CRCP: variants seen among roughly 807,000 people sequenced by gnomAD.
CRCP encodes CGRP receptor component, also known as DNA-directed RNA polymerase III subunit RPC9.
CRCP carries 18 observed loss-of-function variants against 18.5 expected under a neutral mutation model. The ratio of observed to expected loss-of-function variants is 0.97; its 90% CI spans 0.67 to 1.44. CRCP has a LOEUF of 1.44. CRCP is among the 40% of genes most tolerant of loss of function. The pLI is 0.00. For missense variants in CRCP, 130 were observed against 176.4 expected (o/e 0.74, Z 1.49); for synonymous variants, 53 against 62.9 (o/e 0.84, Z 0.75).
At chr7:66,131,665 A>G (rs1217517437) in intron 3 of CRCP, among the ~76,000 whole-genome samples, 20 of 152,108 alleles carry the variant, frequency 1.3e-4, no homozygotes, top group African/African-American at 7.2e-5. Context: ...AATTTTATCT[A>G]TATTCTTCCT....
intron 1 of CRCP, among the ~76,000 whole-genome samples, chr7:66,125,666 T>G (rs1787598589): frequency 6.7e-6 from 1 of 149,234 alleles, no homozygotes; most frequent in African/African-American, 2.4e-5. Flanking sequence ...ATTACACTAT[T>G]GACTTGTTTA....
At position 66,154,084 on chromosome 7, in the gene CRCP, C is replaced by G. The variant is rs528746008; in HGVS notation, c.*1727C>G. The G allele has an allele frequency of 6.6e-6, 1 of 151,750 alleles. No individual in the cohort carries two copies. The highest frequency in any genetic ancestry group is 1.9e-4 in the East Asian group (1 of 5,144). The allele number at this position is 151,750 out of a possible 1,614,324, so 9.4% of individuals were successfully genotyped here. A position where few individuals can be genotyped will look rare whatever the true frequency, so the allele number is the denominator to read the frequency against. On this transcript the variant is annotated 3_prime_UTR_variant, in exon 6 of 6. Coordinates refer to ENST00000395326, the MANE Select transcript of CRCP (RefSeq NM_014478.5). ...AAAAAAGAGAAAGTACCAGATTGTA[C>G]TTTTAAATCTGTCTAGCGTATTGAG...
At chr7:66,115,849 C>T (rs1787244593) in intron 1 of CRCP, among the ~76,000 whole-genome samples, 1 of 152,060 alleles carries the variant, frequency 6.6e-6, no homozygotes, top group African/African-American at 2.4e-5. Context: ...TTGCTCTGTC[C>T]CCCAGGCGGG....
At chr7:66,140,146 C>G (rs1788090545) in intron 4 of CRCP, among the ~76,000 whole-genome samples, 1 of 152,240 alleles carries the variant, frequency 6.6e-6, no homozygotes, top group African/African-American at 2.4e-5. Context: ...GGGTCTCCAG[C>G]CTTTCTCAGT....
rs1246764990 is a variant in CRCP at position 66,130,775 on chromosome 7, A to C, written c.77A>C (p.Gln26Pro). ...VFQLLTDLKEQRKESGKNKHS... is the reference protein window; with the variant it reads ...VFQLLTDLKEPRKESGKNKHS... Reference sequence around the variant, plus strand: ...CAGTTACTAACTGATCTGAAAGAGCAGCGTAAAGAAAGTGGAAAGAATAAA... The same window carrying C: ...CAGTTACTAACTGATCTGAAAGAGCCGCGTAAAGAAAGTGGAAAGAATAAA... Residue 26 changes from glutamine (Q) to proline (P), a missense_variant, in exon 3 of 6, where the codon CAG becomes CCG. Physicochemically the swap from Gln to Pro is moderately conservative, Grantham distance 76. Transcript: ENST00000395326. 2.2e-5 allele frequency: 36 copies of C among 1,608,928 alleles called. No homozygotes were observed. Among genetic ancestry groups the C allele is most frequent in the Non-Finnish European group, 3.0e-5 (35 of 1,176,106 alleles).
intron 4 of CRCP, among the ~76,000 whole-genome samples, chr7:66,137,669 T>C (rs994897326): frequency 6.6e-6 from 1 of 152,230 alleles, no homozygotes; most frequent in Non-Finnish European, 1.5e-5. Flanking sequence ...TCTATATCTA[T>C]AAAGCTAAAA....
chr7:66,139,176 G>A (rs1003937136), intron 4 of CRCP, among the ~76,000 whole-genome samples: 1 of 152,108 alleles, frequency 6.6e-6, no homozygotes, highest in Non-Finnish European at 1.5e-5. Context: ...CTGAAGTGCG[G>A]TGGCACCCTC....
At chr7:66,147,633 A>G (rs1788338570) in intron 5 of CRCP, among the ~76,000 whole-genome samples, 1 of 152,218 alleles carries the variant, frequency 6.6e-6, no homozygotes, top group South Asian at 2.1e-4. Flanking sequence ...AGGCCTTGGT[A>G]GAAACTGCTG....
chr7:66,151,679 G>C (rs112589222), intron 5 of CRCP, among the ~76,000 whole-genome samples: 72,745 of 131,466 alleles, frequency 0.55, 18,612 homozygotes, highest in African/African-American at 0.63. Flanking sequence ...CTCTCTGTGT[G>C]TGTGTGTGTG....
chr7:66,135,609 C>G (rs1787948805), intron 4 of CRCP, among the ~76,000 whole-genome samples: 1 of 152,006 alleles, frequency 6.6e-6, no homozygotes, highest in South Asian at 2.1e-4. Context: ...CCATGAGGAA[C>G]AAATCTTAAT....
At chr7:66,133,733 A>G (rs1307203138) in intron 3 of CRCP, among the ~76,000 whole-genome samples, 1 of 151,418 alleles carries the variant, frequency 6.6e-6, no homozygotes, top group Non-Finnish European at 1.5e-5. Context: ...TTTCTCCTAA[A>G]ATTTCATTAG....
At chr7:66,139,888 TC>T (rs1457524453) in intron 4 of CRCP, among the ~76,000 whole-genome samples, 1 of 152,226 alleles carries the variant, frequency 6.6e-6, no homozygotes, top group Non-Finnish European at 1.5e-5. Context: ...CTCTGGAACT[TC>T]CCTGCTCCTA....
At chr7:66,130,951 T>C (rs1787783504) in intron 3 of CRCP, 109 bp downstream of exon 3, 3 of 687,626 alleles carry the variant, frequency 4.4e-6, no homozygotes, top group Non-Finnish European at 7.8e-6. Flanking sequence ...ATGATCTGAA[T>C]GTTTTATTCT....
At chr7:66,140,363 T>G (rs74606281) in intron 4 of CRCP, among the ~76,000 whole-genome samples, 133 of 7,818 alleles carry the variant, frequency 0.017, no homozygotes, top group African/African-American at 0.059. Flanking sequence ...ATTTTTTTTG[T>G]TTTTTTGTCT....
chr7:66,143,167 C>T (rs1368745504), intron 4 of CRCP, among the ~76,000 whole-genome samples: 1 of 152,160 alleles, frequency 6.6e-6, no homozygotes, highest in Admixed American at 6.5e-5. Context: ...CGTGTTTAGA[C>T]GCTTACTGGC....
intron 5 of CRCP, among the ~76,000 whole-genome samples, chr7:66,147,668 T>A (rs1182555132): frequency 6.6e-6 from 1 of 152,202 alleles, no homozygotes; most frequent in Admixed American, 6.5e-5. Context: ...GACCATTTTA[T>A]AGCCAGATTC....
At chr7:66,134,895 T>C (rs1387981160) in intron 4 of CRCP, among the ~76,000 whole-genome samples, 1 of 152,198 alleles carries the variant, frequency 6.6e-6, no homozygotes, top group Non-Finnish European at 1.5e-5. Context: ...AGTTTCATTA[T>C]CCTTACCACT....
At chr7:66,134,459 G>A (rs6958484) in intron 4 of CRCP, 85 bp downstream of exon 4, 546,734 of 969,452 alleles carry the variant, frequency 0.56, 157,233 homozygotes, top group African/African-American at 0.68. Flanking sequence ...ATTGATATTC[G>A]GCTGGGTTTG....
At chr7:66,133,541 CAAAAAAAA>C (rs67165211) in intron 3 of CRCP, among the ~76,000 whole-genome samples, 1 of 71,806 alleles carries the variant, frequency 1.4e-5, no homozygotes, top group Admixed American at 1.3e-4. Flanking sequence ...GACTCCGTCT[CAAAAAAAA>C]AAAAAAAAAG....
Sources: gnomAD v4.1 joint callset for allele counts (sites outside exome capture counted in the v4.1 genomes callset) on GRCh38, gnomAD v4.1.1 for gene constraint, MANE v1.5 for transcripts, NCBI Gene and HGNC (gene_info 2026-07-23, HGNC 2026-07-21) for gene names.